Variants in NRL observed in about 807,000 individuals in gnomAD.
NRL encodes the protein neural retina leucine zipper.
NRL carries 16 observed loss-of-function variants against 12.5 expected under a neutral mutation model. The ratio of observed to expected loss-of-function variants is 1.28; its 90% CI spans 0.87 to 1.95. The LOEUF (loss-of-function observed/expected upper bound fraction) is 1.95, where lower values mean the gene tolerates loss of function less well. Ranked by LOEUF, NRL falls within the 30% of genes most tolerant of loss-of-function variation. The probability of loss-of-function intolerance (pLI) is 0.00; values close to 1 mark genes in which losing one functional copy is unlikely to be tolerated. For missense variants in NRL, 314 were observed against 325.8 expected, an observed-to-expected ratio of 0.96 and a Z score of 0.28; for synonymous variants, 142 against 150.9, an observed-to-expected ratio of 0.94 and a Z score of 0.43.
At position 24,106,070 on chromosome 14, in the gene NRL, C is replaced by T. The variant is rs188495806; in HGVS notation, c.-28+8652G>A. On this transcript the variant is annotated intron_variant, in intron 1 of 2. Coordinates refer to ENST00000561028, the MANE Select transcript of NRL (RefSeq NM_001354768.3). ...AGCTCCTGGGTAATGCTGATGCTGC[C>T]GGTCTGCGAACTACAGTTTAGAGTA... Among the ~76,000 whole-genome samples, 1,033 of 152,272 alleles carry T rather than the reference C, an allele frequency of 6.8e-3. 8 individuals are homozygous for T. Among genetic ancestry groups the T allele is most frequent in the African/African-American group, 0.024 (993 of 41,544 alleles).
At chr14:24,090,379 G>A (rs2036589199) in intron 1 of NRL, among the ~76,000 whole-genome samples, 1 of 151,980 alleles carries the variant, frequency 6.6e-6, no homozygotes, top group Non-Finnish European at 1.5e-5. Flanking sequence ...AAGAGCTCTG[G>A]GGCTGGGATG....
intron 1 of NRL, among the ~76,000 whole-genome samples, chr14:24,110,085 T>G (rs1364790394): frequency 6.6e-6 from 1 of 152,154 alleles, no homozygotes; most frequent in African/African-American, 2.4e-5. Context: ...CTCCCCACTT[T>G]GTTTAATGAT....
chr14:24,114,816 T>C lies in NRL; in HGVS notation c.-122A>G. 2.0e-6 allele frequency: 2 copies of C among 985,944 alleles called. No homozygotes were observed. Among genetic ancestry groups the C allele is most frequent in the Non-Finnish European group, 2.4e-6 (2 of 829,954 alleles). The allele number at this position is 985,944 out of a possible 1,614,324, so 61.1% of individuals were successfully genotyped here. A position where few individuals can be genotyped will look rare whatever the true frequency, so the allele number is the denominator to read the frequency against. ...GCCCGCCGGCCAGGAAGCCGCGAGA[T>C]GCGTGACGAGCGAAGCGCGTGACGG... is the stretch of plus-strand genomic sequence containing the variant. On this transcript the variant is annotated 5_prime_UTR_variant, in exon 1 of 3. Transcript: ENST00000561028.
intron 2 of NRL, 102 bp downstream of exon 2, chr14:24,082,366 C>A: frequency 6.8e-7 from 1 of 1,460,904 alleles, no homozygotes; most frequent in Non-Finnish European, 9.5e-7. Flanking sequence ...CCCTCTGTCC[C>A]CTGTCCCAGT....
At chr14:24,088,825 T>TTC (rs1491303159) in intron 1 of NRL, among the ~76,000 whole-genome samples, 1 of 137,846 alleles carries the variant, frequency 7.3e-6, no homozygotes, top group African/African-American at 2.8e-5. Flanking sequence ...TTTTTTTTTT[T>TTC]CACAGAGTCT....
In NRL at chr14:24,081,785, G is replaced by T; in HGVS notation, c.382-217C>A. 6.6e-7 allele frequency: 1 copy of T among 1,516,082 alleles called. No homozygotes were observed. The allele number at this position is 1,516,082 out of a possible 1,614,324, so 93.9% of individuals were successfully genotyped here. The stretch of plus-strand genomic sequence containing the variant: ...CAGCTGACCGTTGCTCCAGTCAGGC[G>T]GGCGCCCCACGGTGCAGGGCCGGCC... On this transcript the variant is annotated intron_variant, in intron 2 of 2. Coordinates refer to ENST00000561028, the MANE Select transcript of NRL (RefSeq NM_001354768.3). The surrounding 1 kb of genome is among the most constrained non-coding windows in gnomAD (Gnocchi z 4.4).
At chr14:24,103,888 A>C in intron 1 of NRL, 1 of 1,614,144 alleles carries the variant, frequency 6.2e-7, no homozygotes, top group Non-Finnish European at 8.5e-7. Flanking sequence ...TACCTGACAG[A>C]GCAGGTCAAC....
chr14:24,089,471 C>G (rs1265358965), intron 1 of NRL, among the ~76,000 whole-genome samples: 2 of 152,084 alleles, frequency 1.3e-5, no homozygotes, highest in Non-Finnish European at 2.9e-5. Flanking sequence ...GTCTTAAACT[C>G]CTGGGCTCAA....
chr14:24,096,797 T>C (rs1219048364), intron 1 of NRL: 2 of 1,073,840 alleles, frequency 1.9e-6, no homozygotes, highest in Non-Finnish European at 2.8e-6. Flanking sequence ...AGACATGTTT[T>C]AGCAGGCTGC....
At chr14:24,084,418 C>T in intron 1 of NRL, 1 of 390,714 alleles carries the variant, frequency 2.6e-6, no homozygotes, top group Non-Finnish European at 3.5e-6. Flanking sequence ...AGTAGGGTAC[C>T]AAGGTGTTAG....
In NRL at chr14:24,081,388, C is replaced by A. The variant is rs1566558891; in HGVS notation, c.562G>T (p.Glu188Ter). ...SKRLQQRRGL[E>*]AERARLAAQL... ...GCGGCCAGGCGGGCGCGCTCGGCCT[C>A]CAGCCCGCGCCGCTGCTGCAGCCGC... The change falls in exon 3 of 3, where the codon GAG becomes TAG. Residue 188 changes from glutamate (E) to a stop codon, truncating the protein, a stop_gained. Transcript: ENST00000561028. LOFTEE classifies it high-confidence loss of function. This position sits in a 1 kb window ranked among gnomAD's most constrained non-coding sequence, Gnocchi z 4.4. The A allele has an allele frequency of 6.8e-7, 1 of 1,470,922 alleles. No homozygotes were observed. Among genetic ancestry groups the A allele is most frequent in the Admixed American group, 2.5e-5 (1 of 40,136 alleles). The allele number at this position is 1,470,922 out of a possible 1,614,324, so 91.1% of individuals were successfully genotyped here. A position where few individuals can be genotyped will look rare whatever the true frequency, so the allele number is the denominator to read the frequency against.
intron 1 of NRL, among the ~76,000 whole-genome samples, chr14:24,110,057 C>G (rs974271092): frequency 2.0e-5 from 3 of 152,044 alleles, no homozygotes; most frequent in African/African-American, 7.2e-5. Context: ...ACACCTTTGT[C>G]ACCAGTTCAT....
chr14:24,098,778 T>C, intron 1 of NRL: 2 of 1,000,354 alleles, frequency 2.0e-6, no homozygotes, highest in Non-Finnish European at 3.0e-6. Flanking sequence ...ACCTGTCCTC[T>C]CTGGCAACCT....
At chr14:24,107,271 G>A (rs1281763853) in intron 1 of NRL, among the ~76,000 whole-genome samples, 1 of 152,168 alleles carries the variant, frequency 6.6e-6, no homozygotes, top group African/African-American at 2.4e-5. Context: ...AAATGGGGCT[G>A]CATGCCCTTC....
intron 1 of NRL, chr14:24,099,908 C>T: frequency 6.2e-7 from 1 of 1,612,050 alleles, no homozygotes; most frequent in Non-Finnish European, 8.5e-7. Context: ...CATCTCAGGA[C>T]AGGGGTGGGT....
At chr14:24,090,440 T>C (rs1190821942) in intron 1 of NRL, among the ~76,000 whole-genome samples, 4 of 152,146 alleles carry the variant, frequency 2.6e-5, no homozygotes, top group African/African-American at 9.7e-5. Flanking sequence ...CTCTGTACTT[T>C]ATAACAACCA....
At chr14:24,105,393 T>C (rs533134435) in intron 1 of NRL, among the ~76,000 whole-genome samples, 9 of 152,370 alleles carry the variant, frequency 5.9e-5, no homozygotes, top group African/African-American at 1.7e-4. Flanking sequence ...GGCCAGTTTA[T>C]GGCCAGATTT....
In NRL at chr14:24,094,433, CG is replaced by C; in HGVS notation, c.-27-11559del. ...GGCCGCATTGTACCGCCCTGGCCTGCGGTGAGTGACCCCCGGCCCGGGGCCC... is the reference window on the plus strand; with the variant it reads ...GGCCGCATTGTACCGCCCTGGCCTGCGTGAGTGACCCCCGGCCCGGGGCCC... On this transcript the variant is annotated intron_variant, in intron 1 of 2. Transcript: ENST00000561028. The surrounding 1 kb of genome is among the most constrained non-coding windows in gnomAD (Gnocchi z 4.1). 1.2e-5 allele frequency: 18 copies of C among 1,548,444 alleles called. No individual in the cohort carries two copies. The highest frequency in any genetic ancestry group is 1.6e-5 in the Non-Finnish European group (18 of 1,153,118).
chr14:24,102,610 C>T lies in NRL; in HGVS notation c.-28+12112G>A, dbSNP rs747172475. ...CTTGGAGATGCCCTGGCTCCCCTCT[C>T]TCTGCTCCTTATCACACAAGGTTCT... On this transcript the variant is annotated intron_variant, in intron 1 of 2. Transcript: ENST00000561028. 157 of 686,206 alleles carry T rather than the reference C, an allele frequency of 2.3e-4. 1 individual carries two copies. The highest frequency in any genetic ancestry group is 3.6e-4 in the Non-Finnish European group (145 of 404,002). 42.5% of individuals were successfully genotyped at this position (686,206 alleles called of 1,614,324 possible).
Sources: gnomAD v4.1 joint callset for allele counts (sites outside exome capture counted in the v4.1 genomes callset) on GRCh38, gnomAD v4.1.1 for gene constraint, Gnocchi (gnomAD v3.1) non-coding constraint, MANE v1.5 for transcripts, NCBI Gene and HGNC (gene_info 2026-07-23, HGNC 2026-07-21) for gene names.